LRMDA: variants seen among roughly 807,000 people sequenced by gnomAD.
LRMDA encodes leucine rich melanocyte differentiation associated.
LRMDA carries 18 observed loss-of-function variants against 29.8 expected under a neutral mutation model. The ratio of observed to expected loss-of-function variants is 0.60; its 90% CI spans 0.42 to 0.90. The LOEUF (loss-of-function observed/expected upper bound fraction) is 0.90, where lower values mean the gene tolerates loss of function less well. Ranked by LOEUF, LRMDA falls within the 40% of genes least tolerant of loss-of-function variation. The probability of loss-of-function intolerance (pLI) is 0.00; values close to 1 mark genes in which losing one functional copy is unlikely to be tolerated. For missense variants in LRMDA, 273 were observed against 273.9 expected (o/e 1.00, Z 0.02); for synonymous variants, 125 against 109.4 (o/e 1.14, Z -0.89).
At chr10:76,013,470 A>C (rs911933596) in intron 2 of LRMDA, among the ~76,000 whole-genome samples, 18 of 152,124 alleles carry the variant, frequency 1.2e-4, no homozygotes, top group Non-Finnish European at 1.5e-4. Context: ...TTAAAACAAC[A>C]ACCACCAACC....
At chr10:76,173,419 A>G (rs1589363144) in intron 5 of LRMDA, among the ~76,000 whole-genome samples, 1 of 152,340 alleles carries the variant, frequency 6.6e-6, no homozygotes, top group Non-Finnish European at 1.5e-5. Context: ...TTGTTCTTTG[A>G]GACTATTAAT....
At chr10:75,815,845 T>C (rs1203370635) in intron 2 of LRMDA, among the ~76,000 whole-genome samples, 1 of 152,240 alleles carries the variant, frequency 6.6e-6, no homozygotes, top group African/African-American at 2.4e-5. Context: ...TATGTATTAA[T>C]TCACTTAATC....
At chr10:75,580,042 A>G (rs1019261221) in intron 2 of LRMDA, among the ~76,000 whole-genome samples, 19 of 152,210 alleles carry the variant, frequency 1.2e-4, no homozygotes, top group African/African-American at 4.3e-4. Flanking sequence ...CACCACTCCT[A>G]TTCAACATAG....
At chr10:76,251,413 C>T (rs940538236) in intron 5 of LRMDA, among the ~76,000 whole-genome samples, 2 of 150,856 alleles carry the variant, frequency 1.3e-5, no homozygotes, top group East Asian at 1.9e-4. Context: ...CCACCGCGCC[C>T]GGCTAATTTT....
chr10:75,461,879 T>G (rs1844589909), intron 2 of LRMDA, among the ~76,000 whole-genome samples: 1 of 152,242 alleles, frequency 6.6e-6, no homozygotes, highest in Admixed American at 6.5e-5. Context: ...GCCAGAGCCC[T>G]ATGAGGTGGC....
intron 6 of LRMDA, among the ~76,000 whole-genome samples, chr10:76,401,210 A>G (rs1027965144): frequency 6.6e-6 from 1 of 151,912 alleles, no homozygotes; most frequent in South Asian, 2.1e-4. Flanking sequence ...AATGGATGGT[A>G]TGCTCCAGTG....
At chr10:76,083,160 A>T (rs1219720133) in intron 5 of LRMDA, among the ~76,000 whole-genome samples, 1 of 152,144 alleles carries the variant, frequency 6.6e-6, no homozygotes, top group Non-Finnish European at 1.5e-5. Context: ...ATTGCAAATG[A>T]CTCACTTAGA....
rs528735391 is a variant in LRMDA at position 76,144,904 on chromosome 10, T to G, written c.516+86121T>G. 6.6e-5 allele frequency among the ~76,000 whole-genome samples: 10 copies of G among 152,126 alleles called. No homozygotes were observed. The East Asian group carries it at 1.2e-3, about 18-fold the overall frequency. On this transcript the variant is annotated intron_variant, in intron 5 of 6. Coordinates refer to ENST00000611255, the MANE Select transcript of LRMDA (RefSeq NM_001305581.2). The stretch of plus-strand genomic sequence containing the variant: ...TTTATTGAGAGTTTTTAGCATGAAG[T>G]GTTGTTGAATTTTGTCAAAGGCCTC...
chr10:75,726,663 T>G (rs916506868), intron 2 of LRMDA, among the ~76,000 whole-genome samples: 1 of 151,884 alleles, frequency 6.6e-6, no homozygotes, highest in African/African-American at 2.4e-5. Context: ...GTTTCTGGAG[T>G]GTTTGAAATA....
At chr10:75,501,767 A>G (rs1351472543) in intron 2 of LRMDA, among the ~76,000 whole-genome samples, 1 of 152,224 alleles carries the variant, frequency 6.6e-6, no homozygotes, top group East Asian at 1.9e-4. Context: ...AGATATTGCT[A>G]TTTAAAACTG....
intron 5 of LRMDA, among the ~76,000 whole-genome samples, chr10:76,093,941 C>T (rs1849273507): frequency 6.6e-6 from 1 of 152,148 alleles, no homozygotes; most frequent in Admixed American, 6.5e-5. Flanking sequence ...CTCTGGGGAC[C>T]TCAATACCCC....
rs535974513 is a variant in LRMDA at position 76,176,424 on chromosome 10, T to G, written c.516+117641T>G. 3.5e-4 allele frequency among the ~76,000 whole-genome samples: 53 copies of G among 152,224 alleles called. 1 individual carries two copies. In the South Asian group the frequency reaches 0.011, roughly 31 times the overall value. ...TGACTGTGTAGAGGCTGGCGCTGCTTGGGGGCATGCACTGGCACACACCAG... is the reference window on the plus strand; with the variant it reads ...TGACTGTGTAGAGGCTGGCGCTGCTGGGGGGCATGCACTGGCACACACCAG... On this transcript the variant is annotated intron_variant, in intron 5 of 6. Transcript: ENST00000611255.
Position 75,890,223 on chromosome 10 carries a change from TG to T in LRMDA, c.132-145783del, listed in dbSNP as rs776919781. ...ATTTCCATTATGAGGGAAGAGACAT[TG>T]GAAAATCTGTCAAAGTCAAAAATTC... On this transcript the variant is annotated intron_variant, in intron 2 of 6. Transcript: ENST00000611255. Among the ~76,000 whole-genome samples, 108 of 152,274 alleles carry T rather than the reference TG, an allele frequency of 7.1e-4. No homozygotes were observed. The Middle Eastern group carries it at 0.017, about 24-fold the overall frequency.
chr10:76,375,020 A>G (rs1841499487), intron 6 of LRMDA, among the ~76,000 whole-genome samples: 1 of 152,226 alleles, frequency 6.6e-6, no homozygotes, highest in African/African-American at 2.4e-5. Context: ...CAGGCAGTGC[A>G]AATGTAAATT....
Position 75,938,459 on chromosome 10 carries a change from G to A in LRMDA, c.132-97549G>A, listed in dbSNP as rs140764955. On this transcript the variant is annotated intron_variant, in intron 2 of 6. Coordinates refer to ENST00000611255, the MANE Select transcript of LRMDA (RefSeq NM_001305581.2). Reference sequence around the variant, plus strand: ...AGGATGGGAGAAGGGATTTGTGCCCGAACCATGCTTTGCAAATGGTTCCAA... The same window carrying A: ...AGGATGGGAGAAGGGATTTGTGCCCAAACCATGCTTTGCAAATGGTTCCAA... Among the ~76,000 whole-genome samples, 930 of 152,286 alleles carry A rather than the reference G, an allele frequency of 6.1e-3. 8 individuals carry two copies. The highest frequency in any genetic ancestry group is 0.021 in the African/African-American group (869 of 41,556).
rs566181136 is a variant in LRMDA at position 75,518,115 on chromosome 10, A to G, written c.131+79621A>G. 4.6e-5 allele frequency among the ~76,000 whole-genome samples: 7 copies of G among 152,300 alleles called. No individual in the cohort carries two copies. The East Asian group carries it at 1.4e-3, about 29-fold the overall frequency. On this transcript the variant is annotated intron_variant, in intron 2 of 6. Coordinates refer to ENST00000611255, the MANE Select transcript of LRMDA (RefSeq NM_001305581.2). ...GATTTGGTTTGCCAGTATTTTATTG[A>G]GGATTTTCACATCGATGTTCATCAG...
rs1162594750 is a variant in LRMDA, at chr10:76,020,434, G to T, written c.132-15574G>T. ...GACAGGCCTGGAACTGGAAGCACCT[G>T]CACTTACATTTCTTGAGTGCTTTCT... On this transcript the variant is annotated intron_variant, in intron 2 of 6. Coordinates refer to ENST00000611255, the MANE Select transcript of LRMDA (RefSeq NM_001305581.2). 4.6e-5 allele frequency among the ~76,000 whole-genome samples: 7 copies of T among 152,236 alleles called. 1 individual carries two copies.
chr10:76,184,033 A>AT (rs35911382), intron 5 of LRMDA, among the ~76,000 whole-genome samples: 22,612 of 133,934 alleles, frequency 0.17, 2,246 homozygotes, highest in East Asian at 0.5. Flanking sequence ...TACTTTATTT[A>AT]TTTTTTTTTT....
chr10:76,549,135 C>A (rs1589233683), intron 6 of LRMDA, among the ~76,000 whole-genome samples: 1 of 152,142 alleles, frequency 6.6e-6, no homozygotes, highest in South Asian at 2.1e-4. Context: ...TGACAAGCCT[C>A]ATTTCAGCTG....
Sources: gnomAD v4.1 joint callset for allele counts (sites outside exome capture counted in the v4.1 genomes callset) on GRCh38, gnomAD v4.1.1 for gene constraint, MANE v1.5 for transcripts, NCBI Gene and HGNC (gene_info 2026-07-23, HGNC 2026-07-21) for gene names.